The following EYS variants were observed in gnomAD, a reference collection of about 807,000 sequenced individuals.
EYS encodes the protein EGF-like photoreceptor maintenance factor.
In EYS, 250 loss-of-function variants were observed where a neutral mutation model predicts 282.1. The ratio of observed to expected loss-of-function variants is 0.89; its 90% CI spans 0.80 to 0.98. The LOEUF is 0.98. Ranked by LOEUF, EYS falls within the 50% of genes least tolerant of loss-of-function variation. The pLI is 0.00. For missense variants in EYS, 4,016 were observed against 3,709.0 expected (o/e 1.08, Z -2.15); for synonymous variants, 1,355 against 1,282.9 (o/e 1.06, Z -1.20).
intron 26 of EYS, among the ~76,000 whole-genome samples, chr6:64,531,644 G>A (rs1764344478): frequency 6.6e-6 from 1 of 150,754 alleles, no homozygotes; most frequent in Non-Finnish European, 1.5e-5. Context: ...TGTTAGCCAG[G>A]ATGGTCTTGA....
At chr6:64,610,242 T>C (rs1161587252) in intron 24 of EYS, among the ~76,000 whole-genome samples, 1 of 152,146 alleles carries the variant, frequency 6.6e-6, no homozygotes, top group African/African-American at 2.4e-5. Context: ...AAATATATTC[T>C]AGGTTTCTAC....
chr6:64,447,190 A>G (rs994617275), intron 26 of EYS, among the ~76,000 whole-genome samples: 2 of 152,112 alleles, frequency 1.3e-5, no homozygotes, highest in Admixed American at 1.3e-4. Context: ...GATACTGTCT[A>G]AAACTTGTGT....
chr6:64,815,832 G>A (rs1320689283), intron 21 of EYS, among the ~76,000 whole-genome samples: 3 of 151,978 alleles, frequency 2.0e-5, no homozygotes, highest in Non-Finnish European at 4.4e-5. Flanking sequence ...ATTATGCCAG[G>A]AAATGTACAG....
chr6:63,958,086 G>A lies in EYS; in HGVS notation c.7055+26297C>T, dbSNP rs1765899373. Among the ~76,000 whole-genome samples the A allele has an allele frequency of 2.8e-5, 4 of 140,574 alleles. No individual in the cohort carries two copies. In the South Asian group the frequency reaches 9.2e-4, roughly 32 times the overall value. 92.2% of individuals were successfully genotyped at this position (140,574 alleles called of 152,430 possible). A position where few individuals can be genotyped will look rare whatever the true frequency, so the allele number is the denominator to read the frequency against. The stretch of plus-strand genomic sequence containing the variant: ...GATGTTTATATAATCTATGACCATG[G>A]TTAATAGTCAAGCTAATGTGCTAAT... On this transcript the variant is annotated intron_variant, in intron 35 of 42. Coordinates refer to ENST00000503581, the MANE Select transcript of EYS (RefSeq NM_001142800.2).
chr6:65,537,563 G>GAGAT (rs148783383), intron 2 of EYS, among the ~76,000 whole-genome samples: 161 of 151,334 alleles, frequency 1.1e-3, no homozygotes, highest in African/African-American at 3.8e-3. Context: ...GAAAGAGAGA[G>GAGAT]AGATCTGGGA....
At chr6:64,816,178 C>G (rs933535652) in intron 21 of EYS, among the ~76,000 whole-genome samples, 13 of 152,050 alleles carry the variant, frequency 8.5e-5, no homozygotes, top group African/African-American at 3.1e-4. Context: ...AGAGTGGGAA[C>G]AGAACACGGT....
intron 29 of EYS, among the ~76,000 whole-genome samples, chr6:64,353,847 T>C (rs757464364): frequency 6.6e-6 from 1 of 151,648 alleles, no homozygotes; most frequent in East Asian, 2.0e-4. Context: ...AGTGGGTTCA[T>C]TGTTGCCTAC....
chr6:64,739,646 C>G (rs1204724960), intron 22 of EYS, among the ~76,000 whole-genome samples: 1 of 152,100 alleles, frequency 6.6e-6, no homozygotes, highest in African/African-American at 2.4e-5. Flanking sequence ...CATTACTTTT[C>G]TATACAACAG....
At chr6:64,070,407 C>T (rs977095949) in intron 32 of EYS, among the ~76,000 whole-genome samples, 3 of 151,878 alleles carry the variant, frequency 2.0e-5, no homozygotes, top group Non-Finnish European at 4.4e-5. Flanking sequence ...TTAGAAAGCT[C>T]TCAAGTTTGT....
At chr6:64,997,520 T>C in intron 14 of EYS, 62 bp downstream of exon 14, 6 of 1,462,224 alleles carry the variant, frequency 4.1e-6, no homozygotes, top group Non-Finnish European at 5.6e-6. Flanking sequence ...ACTCTATTTG[T>C]ACATAGGTGT....
intron 13 of EYS, among the ~76,000 whole-genome samples, chr6:65,028,795 C>T (rs1473328334): frequency 6.6e-6 from 1 of 151,972 alleles, no homozygotes; most frequent in Admixed American, 6.6e-5. Context: ...GAACTATAAA[C>T]ATGTATTTTT....
chr6:64,842,646 G>A (rs1337426234), intron 19 of EYS, among the ~76,000 whole-genome samples: 1 of 152,020 alleles, frequency 6.6e-6, no homozygotes, highest in Non-Finnish European at 1.5e-5. Context: ...GGAACTTGTT[G>A]GCAACTGGAG....
At chr6:65,412,619 T>A (rs535447460) in intron 5 of EYS, among the ~76,000 whole-genome samples, 9 of 152,236 alleles carry the variant, frequency 5.9e-5, no homozygotes, top group African/African-American at 1.9e-4. Flanking sequence ...TTATTTGCTA[T>A]CCTTATAGCT....
chr6:64,206,360 G>A (rs1039366018), intron 31 of EYS, among the ~76,000 whole-genome samples: 5 of 152,170 alleles, frequency 3.3e-5, no homozygotes, highest in African/African-American at 1.2e-4. Context: ...GTTTTCCCAA[G>A]GGCCTCTCTT....
intron 13 of EYS, among the ~76,000 whole-genome samples, chr6:65,024,379 G>A (rs1408544939): frequency 1.3e-5 from 2 of 152,232 alleles, no homozygotes; most frequent in African/African-American, 4.8e-5. Flanking sequence ...ACCTTAGTAG[G>A]TATTGTAGTC....
chr6:65,573,167 A>G (rs1031452072), intron 2 of EYS, among the ~76,000 whole-genome samples: 2 of 152,166 alleles, frequency 1.3e-5, no homozygotes, highest in African/African-American at 4.8e-5. Context: ...AAAACTATAG[A>G]CAGCTATTCA....
intron 33 of EYS, among the ~76,000 whole-genome samples, chr6:64,047,343 A>G (rs979212363): frequency 3.3e-5 from 5 of 152,182 alleles, no homozygotes; most frequent in African/African-American, 9.7e-5. Context: ...GCAAAAAACA[A>G]CAGAAACACA....
chr6:65,496,344 CAT>C (rs1766257364), intron 2 of EYS, among the ~76,000 whole-genome samples: 1 of 151,960 alleles, frequency 6.6e-6, no homozygotes, highest in African/African-American at 2.4e-5. Flanking sequence ...GGCAAGAAAA[CAT>C]AAAGGATTTC....
intron 31 of EYS, among the ~76,000 whole-genome samples, chr6:64,127,913 G>T (rs1294033689): frequency 6.6e-6 from 1 of 151,974 alleles, no homozygotes; most frequent in Non-Finnish European, 1.5e-5. Flanking sequence ...CTCAAAAAAT[G>T]GTCTTGATAT....
Sources: allele counts gnomAD v4.1 joint callset (sites outside exome capture counted in the v4.1 genomes callset), GRCh38; gene constraint gnomAD v4.1.1; transcripts MANE v1.5; gene names NCBI Gene and HGNC (gene_info 2026-07-23, HGNC 2026-07-21).